TAFA1: variants seen among roughly 807,000 people sequenced by gnomAD.
TAFA1 encodes chemokine-like protein TAFA-1.
Under a neutral mutation model 18.5 loss-of-function variants are expected in TAFA1, and 4 were observed. That is an observed-to-expected ratio of 0.22 (90% CI 0.11 to 0.49). The LOEUF (loss-of-function observed/expected upper bound fraction) is 0.49, where lower values mean the gene tolerates loss of function less well. Ranked by LOEUF, TAFA1 falls within the 20% of genes least tolerant of loss-of-function variation. The pLI is 0.98. For synonymous variants in TAFA1, 56 were observed against 55.2 expected (o/e 1.01, Z -0.06); for missense variants, 147 against 169.0 (o/e 0.87, Z 0.72).
chr3:68,522,109 A>T (rs2073036781), intron 3 of TAFA1, among the ~76,000 whole-genome samples: 1 of 151,752 alleles, frequency 6.6e-6, no homozygotes, highest in Non-Finnish European at 1.5e-5. Context: ...AGCTTCCCAA[A>T]GTACTTGGAT....
chr3:68,421,008 C>T (rs538260525), intron 3 of TAFA1, among the ~76,000 whole-genome samples: 44 of 152,118 alleles, frequency 2.9e-4, no homozygotes, highest in Non-Finnish European at 5.3e-4. Context: ...AAGCCGTTAA[C>T]TATAAATCTT....
At chr3:68,415,433 T>C (rs1167969071) in intron 2 of TAFA1, among the ~76,000 whole-genome samples, 3 of 152,154 alleles carry the variant, frequency 2.0e-5, no homozygotes, top group African/African-American at 7.2e-5. Context: ...TCTAAGGAAC[T>C]GACCTTTGAG....
In TAFA1 at chr3:68,204,105, T is replaced by C. The variant is rs560917423; in HGVS notation, c.118+197361T>C. Among the ~76,000 whole-genome samples, 8 of 151,854 alleles carry C rather than the reference T, an allele frequency of 5.3e-5. No homozygotes were observed. The South Asian group carries it at 1.7e-3, about 31-fold the overall frequency. ...TGCCCTGGTATATTGTGATTCTCTG[T>C]ATCCACCTATCTGTCTTTCCAATTC... On this transcript the variant is annotated intron_variant, in intron 2 of 4. Coordinates refer to ENST00000478136, the MANE Select transcript of TAFA1 (RefSeq NM_213609.4).
At chr3:68,155,946 A>G (rs2065862135) in intron 2 of TAFA1, among the ~76,000 whole-genome samples, 1 of 152,150 alleles carries the variant, frequency 6.6e-6, no homozygotes, top group African/African-American at 2.4e-5. Context: ...AGCAGTCAGG[A>G]ACACAACAGC....
At chr3:68,224,900 T>A (rs2066777867) in intron 2 of TAFA1, among the ~76,000 whole-genome samples, 1 of 56,590 alleles carries the variant, frequency 1.8e-5, no homozygotes, top group Non-Finnish European at 4.0e-5. Flanking sequence ...GTGGCACTTT[T>A]TTTTTTTTTT....
chr3:68,398,001 A>G (rs1233939327), intron 2 of TAFA1, among the ~76,000 whole-genome samples: 1 of 152,198 alleles, frequency 6.6e-6, no homozygotes, highest in Non-Finnish European at 1.5e-5. Flanking sequence ...TTTCCAAAGT[A>G]ATTTACAAAT....
intron 2 of TAFA1, among the ~76,000 whole-genome samples, chr3:68,370,363 C>CATATATAT (rs2069665156): frequency 1.7e-5 from 1 of 58,596 alleles, no homozygotes; most frequent in Non-Finnish European, 3.3e-5. Flanking sequence ...TACACACACA[C>CATATATAT]ACACATATAT....
intron 3 of TAFA1, among the ~76,000 whole-genome samples, chr3:68,423,746 T>C (rs772713928): frequency 1.3e-5 from 2 of 151,610 alleles, no homozygotes; most frequent in South Asian, 2.1e-4. Context: ...TTTTGTTGTC[T>C]TGTAATTTTT....
intron 2 of TAFA1, among the ~76,000 whole-genome samples, chr3:68,075,448 A>T (rs748141415): frequency 1.3e-5 from 2 of 152,212 alleles, no homozygotes; most frequent in Non-Finnish European, 2.9e-5. Flanking sequence ...ATTTTACTTC[A>T]GTGGAATTAT....
chr3:68,510,895 G>A (rs1034230518), intron 3 of TAFA1, among the ~76,000 whole-genome samples: 1 of 152,098 alleles, frequency 6.6e-6, no homozygotes, highest in East Asian at 1.9e-4. Context: ...TTTCTTGTTT[G>A]GCTACCAGGT....
At chr3:68,205,547 GATAGCT>G (rs1171418850) in intron 2 of TAFA1, among the ~76,000 whole-genome samples, 2 of 151,856 alleles carry the variant, frequency 1.3e-5, no homozygotes, top group Admixed American at 1.3e-4. Flanking sequence ...GACAGTATTT[GATAGCT>G]ATGTTACTAC....
At chr3:68,331,992 T>G (rs2068884523) in intron 2 of TAFA1, among the ~76,000 whole-genome samples, 1 of 148,750 alleles carries the variant, frequency 6.7e-6, no homozygotes, top group African/African-American at 2.5e-5. Context: ...GCCTCCCGAG[T>G]AGCTGGGACT....
chr3:68,258,028 T>G (rs1351561019), intron 2 of TAFA1, among the ~76,000 whole-genome samples: 1 of 152,120 alleles, frequency 6.6e-6, no homozygotes, highest in African/African-American at 2.4e-5. Context: ...ATGTCATAGA[T>G]TAGGAGGAGG....
At chr3:68,444,045 C>A (rs1175290288) in intron 3 of TAFA1, among the ~76,000 whole-genome samples, 1 of 152,148 alleles carries the variant, frequency 6.6e-6, no homozygotes, top group Non-Finnish European at 1.5e-5. Context: ...GCCCTTGGTC[C>A]CTTTCCTCCA....
intron 3 of TAFA1, among the ~76,000 whole-genome samples, chr3:68,518,388 C>T (rs2072960205): frequency 6.6e-6 from 1 of 152,188 alleles, no homozygotes. Flanking sequence ...GCCCTGACTA[C>T]ATTGATTGCA....
At chr3:68,335,700 T>A (rs1389664007) in intron 2 of TAFA1, among the ~76,000 whole-genome samples, 1 of 152,154 alleles carries the variant, frequency 6.6e-6, no homozygotes, top group African/African-American at 2.4e-5. Flanking sequence ...TGAGTTCGCT[T>A]TTAAGAATTT....
At chr3:68,392,040 C>T (rs989214139) in intron 2 of TAFA1, among the ~76,000 whole-genome samples, 2 of 151,940 alleles carry the variant, frequency 1.3e-5, no homozygotes, top group Admixed American at 6.6e-5. Context: ...GGGTTAAATG[C>T]CCCAATTAAA....
chr3:68,080,808 G>A lies in TAFA1; in HGVS notation c.118+74064G>A, dbSNP rs560694695. ...TATGTGTCTTGGAGTTGGTCTTCTC[G>A]AGGAGTACCTTTGTGGTGTTCTCTA... On this transcript the variant is annotated intron_variant, in intron 2 of 4. Transcript: ENST00000478136. 2.4e-3 allele frequency among the ~76,000 whole-genome samples: 369 copies of A among 152,172 alleles called. 3 individuals carry two copies. The highest frequency in any genetic ancestry group is 8.4e-3 in the African/African-American group (347 of 41,490).
In TAFA1 at chr3:68,447,507, G is replaced by A. The variant is rs192376186; in HGVS notation, c.259+30087G>A. Reference sequence around the variant, plus strand: ...AACTCTTGTCTGCTCTACAGAAATTGTCCTTGTTCCAGAACCATTGCTCCA... The same window carrying A: ...AACTCTTGTCTGCTCTACAGAAATTATCCTTGTTCCAGAACCATTGCTCCA... On this transcript the variant is annotated intron_variant, in intron 3 of 4. Coordinates refer to ENST00000478136, the MANE Select transcript of TAFA1 (RefSeq NM_213609.4). Among the ~76,000 whole-genome samples, 4 of 152,264 alleles carry A rather than the reference G, an allele frequency of 2.6e-5. No homozygotes were observed. In the East Asian group the frequency reaches 7.7e-4, roughly 29 times the overall value.
Sources: gnomAD v4.1 joint callset for allele counts (sites outside exome capture counted in the v4.1 genomes callset) on GRCh38, gnomAD v4.1.1 for gene constraint, MANE v1.5 for transcripts, NCBI Gene and HGNC (gene_info 2026-07-23, HGNC 2026-07-21) for gene names.